PGM1: variants seen among roughly 807,000 people sequenced by gnomAD.
PGM1 encodes the protein phosphoglucomutase-1.
A neutral mutation model predicts 55.6 loss-of-function variants in PGM1; 52 were observed. The observed-to-expected ratio is 0.94, with a 90% CI of 0.75 to 1.18. The LOEUF is 1.18. Ranked by LOEUF, PGM1 falls within the 50% of genes most tolerant of loss-of-function variation. The probability of loss-of-function intolerance (pLI) is 0.00; values close to 1 mark genes in which losing one functional copy is unlikely to be tolerated. For synonymous variants in PGM1, 287 were observed against 271.7 expected (o/e 1.06, Z -0.55); for missense variants, 724 against 729.3 (o/e 0.99, Z 0.08).
intron 1 of PGM1, among the ~76,000 whole-genome samples, chr1:63,625,885 T>A (rs1224003485): frequency 6.6e-6 from 1 of 152,158 alleles, no homozygotes; most frequent in East Asian, 1.9e-4. Flanking sequence ...TCCCCAGAGC[T>A]CTAAACTGAG....
At position 63,654,267 on chromosome 1, in the gene PGM1, T is replaced by G. The variant is rs1649896392; in HGVS notation, c.1465-65T>G. 2.6e-5 allele frequency: 39 copies of G among 1,529,190 alleles called. No homozygotes were observed. The South Asian group carries it at 4.1e-4, about 16-fold the overall frequency. 94.7% of individuals were successfully genotyped at this position (1,529,190 alleles called of 1,614,324 possible). A position where few individuals can be genotyped will look rare whatever the true frequency, so the allele number is the denominator to read the frequency against. On this transcript the variant is annotated intron_variant, in intron 9 of 10. Transcript: ENST00000371084. The stretch of plus-strand genomic sequence containing the variant: ...GAAATTACATCCCCAAATAGACCCC[T>G]CATAATTTGCCAGCCTTCAGTCTCC...
At chr1:63,649,987 A>G (rs1649762332) in intron 8 of PGM1, among the ~76,000 whole-genome samples, 1 of 152,234 alleles carries the variant, frequency 6.6e-6, no homozygotes, top group South Asian at 2.1e-4. Context: ...CAATAGCCAG[A>G]GTAGAATAAG....
intron 6 of PGM1, 32 bp downstream of exon 6, chr1:63,636,420 C>T: frequency 1.9e-6 from 3 of 1,609,966 alleles, no homozygotes; most frequent in Non-Finnish European, 1.7e-6. Context: ...GCCTTCCTGT[C>T]TTAGGTCGTC....
intron 1 of PGM1, among the ~76,000 whole-genome samples, chr1:63,619,741 G>T (rs532836577): frequency 2.6e-5 from 4 of 152,078 alleles, no homozygotes; most frequent in Non-Finnish European, 5.9e-5. Context: ...CTTCAGAGCC[G>T]CAGCTCTGTA....
At chr1:63,658,187 A>C (rs1188953034) in intron 10 of PGM1, among the ~76,000 whole-genome samples, 1 of 152,194 alleles carries the variant, frequency 6.6e-6, no homozygotes, top group Non-Finnish European at 1.5e-5. Context: ...TTTTCCAGGT[A>C]TAATGGATCG....
In PGM1 at chr1:63,631,762, G is replaced by T. The variant is rs748304901; in HGVS notation, c.662G>T (p.Arg221Leu). The T allele has an allele frequency of 1.2e-6, 2 of 1,613,728 alleles. No homozygotes were observed. Among genetic ancestry groups the T allele is most frequent in the South Asian group, 2.2e-5 (2 of 91,070 alleles). Residue 221 changes from arginine (R) to leucine (L), a missense_variant, in exon 4 of 11, where the codon CGT becomes CTT. By Grantham distance (102) the Arg-to-Leu change is moderately radical. Around this residue, in one of 3 missense-constraint regions of PGM1, gnomAD observed 379 missense variants for 357.5 expected, o/e 1.06. Coordinates refer to ENST00000371084, the MANE Select transcript of PGM1 (RefSeq NM_002633.3). ...LLSGPNRLKI[R>L]IDAMHGVVGP... ...TCTGGGCCAAACCGACTGAAGATCC[G>T]TATTGATGCTATGCATGGAGGTATA... is the stretch of plus-strand genomic sequence containing the variant.
At chr1:63,609,190 A>G (rs961526525) in intron 1 of PGM1, among the ~76,000 whole-genome samples, 3 of 151,840 alleles carry the variant, frequency 2.0e-5, no homozygotes, top group Non-Finnish European at 4.4e-5. Flanking sequence ...AGGCCCATCA[A>G]TCTGAGATCT....
chr1:63,607,367 A>G (rs1480125843), intron 1 of PGM1, among the ~76,000 whole-genome samples: 2 of 152,210 alleles, frequency 1.3e-5, no homozygotes, highest in Non-Finnish European at 2.9e-5. Context: ...AGATGTCCTC[A>G]TTCGCAAGGA....
intron 7 of PGM1, among the ~76,000 whole-genome samples, chr1:63,645,785 TAGAAAG>T (rs960698575): frequency 1.4e-4 from 22 of 152,312 alleles, no homozygotes; most frequent in African/African-American, 5.1e-4. Context: ...GAACCAAAAA[TAGAAAG>T]AGAAAGTGTT....
chr1:63,651,816 C>G lies in PGM1; in HGVS notation c.1428C>G (p.Tyr476Ter). Residue 476 changes from tyrosine to a stop codon, truncating the protein, a stop_gained, in exon 9 of 11, where the codon TAC (tyrosine) becomes TAG (stop). Transcript: ENST00000371084. LOFTEE classifies it high-confidence loss of function. ...YTVEKADNFE[Y>*]SDPVDGSISR... ...TGGAGAAGGCCGATAACTTTGAATACAGCGACCCAGTGGATGGAAGCATTT... is the reference window on the plus strand; with the variant it reads ...TGGAGAAGGCCGATAACTTTGAATAGAGCGACCCAGTGGATGGAAGCATTT... 1 of 1,614,056 alleles carries G rather than the reference C, an allele frequency of 6.2e-7. No individual in the cohort carries two copies. Among genetic ancestry groups the G allele is most frequent in the Non-Finnish European group, 8.5e-7 (1 of 1,179,944 alleles).
chr1:63,638,555 A>G (rs777835332), intron 6 of PGM1, 130 bp from the exon 7 acceptor site: 2 of 747,638 alleles, frequency 2.7e-6, no homozygotes, highest in East Asian at 5.1e-5. Flanking sequence ...CACCAATCTT[A>G]GAATTATGTA....
At chr1:63,616,691 TCTGAGGCA>T (rs1222159028) in intron 1 of PGM1, among the ~76,000 whole-genome samples, 1 of 150,384 alleles carries the variant, frequency 6.6e-6, no homozygotes, top group African/African-American at 2.5e-5. Flanking sequence ...TTGTACACTC[TCTGAGGCA>T]GAGGCAGCTG....
rs188047676 is a variant in PGM1, at chr1:63,595,119, T to C, written c.246+1385T>C. On this transcript the variant is annotated intron_variant, in intron 1 of 10. Coordinates refer to ENST00000371084, the MANE Select transcript of PGM1 (RefSeq NM_002633.3). The stretch of plus-strand genomic sequence containing the variant: ...CCCAATTCTTCTGGAACGCATCCCC[T>C]GAAATGGATATTTTTATTCATTTTA... 3.9e-3 allele frequency among the ~76,000 whole-genome samples: 588 copies of C among 152,338 alleles called. 10 individuals carry two copies. Among genetic ancestry groups the C allele is most frequent in the East Asian group, 0.012 (60 of 5,186 alleles).
intron 1 of PGM1, among the ~76,000 whole-genome samples, chr1:63,627,225 C>T (rs561117667): frequency 3.4e-4 from 51 of 152,196 alleles, no homozygotes; most frequent in Middle Eastern, 3.4e-3. Flanking sequence ...TGTCTGTCTG[C>T]GTCCTGCTTT....
At chr1:63,653,178 GT>G (rs1262017240) in intron 9 of PGM1, among the ~76,000 whole-genome samples, 2 of 152,176 alleles carry the variant, frequency 1.3e-5, no homozygotes, top group African/African-American at 4.8e-5. Flanking sequence ...CCCACTTTCT[GT>G]AATCAGAAAA....
At chr1:63,616,672 T>C (rs1370777087) in intron 1 of PGM1, among the ~76,000 whole-genome samples, 2 of 152,004 alleles carry the variant, frequency 1.3e-5, no homozygotes, top group African/African-American at 2.4e-5. Context: ...AACTGACGCG[T>C]GCTAAAGGTT....
chr1:63,646,643 C>G (rs1649652288), intron 7 of PGM1, among the ~76,000 whole-genome samples: 1 of 152,186 alleles, frequency 6.6e-6, no homozygotes, highest in African/African-American at 2.4e-5. Flanking sequence ...CCCACCAGCT[C>G]TTTGGTGGAA....
Position 63,659,690 on chromosome 1 carries a change from T to G in PGM1, c.*15T>G, listed in dbSNP as rs755885280. The G allele has an allele frequency of 1.3e-6, 2 of 1,595,138 alleles. No individual in the cohort carries two copies. The highest frequency in any genetic ancestry group is 4.5e-5 in the East Asian group (2 of 44,794). On this transcript the variant is annotated 3_prime_UTR_variant, in exon 11 of 11. Transcript: ENST00000371084. ...TCATCACCTAAGAAGACAGGCCTGA[T>G]GTGGTACGTCCCTCCACCCCCGGAC... is the stretch of plus-strand genomic sequence containing the variant.
At position 63,593,583 on chromosome 1, in the gene PGM1, G is replaced by C; in HGVS notation, c.95G>C (p.Ser32Thr). 1 of 1,613,798 alleles carries C rather than the reference G, an allele frequency of 6.2e-7. No homozygotes were observed. The highest frequency in any genetic ancestry group is 8.5e-7 in the Non-Finnish European group (1 of 1,179,942). Residue 32 changes from serine to threonine, a missense_variant, in exon 1 of 11, where the codon AGC becomes ACC. Ser to Thr is a moderately conservative substitution (Grantham distance 58, BLOSUM62 1). This residue lies in a region of PGM1 where 379 missense variants were observed against 357.5 expected (regional missense o/e 1.06). Transcript: ENST00000371084. The stretch of plus-strand genomic sequence containing the variant: ...AAGCGGGTGAAGGTGTTCCAGAGCA[G>C]CGCCAACTACGCGGAGAACTTCATC... ...LRKRVKVFQS[S>T]ANYAENFIQS...
Sources: gnomAD v4.1 joint callset for allele counts (sites outside exome capture counted in the v4.1 genomes callset) on GRCh38, gnomAD v4.1.1 for gene constraint, gnomAD v4.1.1 regional missense constraint, MANE v1.5 for transcripts, NCBI Gene and HGNC (gene_info 2026-07-23, HGNC 2026-07-21) for gene names.